The following NUP214 variants were observed in gnomAD, a reference collection of about 807,000 sequenced individuals.
The protein encoded by NUP214 is nuclear pore complex protein Nup214.
Under a neutral mutation model 196.2 loss-of-function variants are expected in NUP214, and 79 were observed. The ratio of observed to expected loss-of-function variants is 0.40; its 90% CI spans 0.34 to 0.49. The LOEUF (loss-of-function observed/expected upper bound fraction) is 0.49. Ranked by LOEUF, NUP214 falls within the 20% of genes least tolerant of loss-of-function variation. NUP214 has a pLI of 0.58. For synonymous variants in NUP214, 1,020 were observed against 990.5 expected, an observed-to-expected ratio of 1.03 and a Z score of -0.56; for missense variants, 2,468 against 2,539.0, an observed-to-expected ratio of 0.97 and a Z score of 0.60.
At chr9:131,139,252 C>CTTTTTT in intron 9 of NUP214, 29 bp from the exon 10 acceptor site, 1 of 1,235,922 alleles carries the variant, frequency 8.1e-7, no homozygotes, top group East Asian at 3.0e-5. Flanking sequence ...TCTTCTTCTT[C>CTTTTTT]TTCTTTTTTT....
chr9:131,134,260 T>A lies in NUP214; in HGVS notation c.832-638T>A, dbSNP rs981227921. Among the ~76,000 whole-genome samples the A allele has an allele frequency of 5.3e-5, 8 of 152,262 alleles. No individual in the cohort carries two copies. The East Asian group carries it at 1.5e-3, about 29-fold the overall frequency. On this transcript the variant is annotated intron_variant, in intron 7 of 35. Coordinates refer to ENST00000359428, the MANE Select transcript of NUP214 (RefSeq NM_005085.4). ...ACACCTGGCTGGTCTTACATTTTAA[T>A]GGGATAGTCAATACTAAATGTGAGA...
At chr9:131,132,345 C>G (rs907356929) in intron 5 of NUP214, among the ~76,000 whole-genome samples, 2 of 152,024 alleles carry the variant, frequency 1.3e-5, no homozygotes, top group African/African-American at 4.8e-5. Context: ...AACTCCTGAC[C>G]TCAGGTGATC....
At chr9:131,226,687 T>G (rs896419149) in intron 32 of NUP214, among the ~76,000 whole-genome samples, 4 of 152,214 alleles carry the variant, frequency 2.6e-5, no homozygotes, top group African/African-American at 9.7e-5. Flanking sequence ...GCTTGGAATT[T>G]CACTCAGTGT....
Position 131,125,905 on chromosome 9 carries a change from G to A in NUP214, c.45+156G>A. The A allele has an allele frequency of 1.1e-6, 1 of 875,628 alleles. No homozygotes were observed. Among genetic ancestry groups the A allele is most frequent in the Non-Finnish European group, 1.8e-6 (1 of 561,256 alleles). The allele number at this position is 875,628 out of a possible 1,614,324, so 54.2% of individuals were successfully genotyped here. On this transcript the variant is annotated intron_variant, in intron 1 of 35. Coordinates refer to ENST00000359428, the MANE Select transcript of NUP214 (RefSeq NM_005085.4). The surrounding 1 kb of genome is among the most constrained non-coding windows in gnomAD (Gnocchi z 4.1). ...CCAGCGCGTCTGCCGCGCCGCTGGC[G>A]TGATAGCCCCACCGAATGCAGTTTC...
intron 31 of NUP214, among the ~76,000 whole-genome samples, chr9:131,215,759 T>C (rs1834375407): frequency 6.6e-6 from 1 of 152,312 alleles, no homozygotes; most frequent in Non-Finnish European, 1.5e-5. Flanking sequence ...ATTTGGATAG[T>C]ACTCTCCAAA....
chr9:131,224,614 C>T (rs541418628), intron 32 of NUP214, among the ~76,000 whole-genome samples: 104 of 152,186 alleles, frequency 6.8e-4, no homozygotes, highest in Non-Finnish European at 1.3e-3. Context: ...ATATTTAGAG[C>T]CTAAAGTGCT....
At chr9:131,216,881 T>C (rs1204966512) in intron 31 of NUP214, among the ~76,000 whole-genome samples, 2 of 152,128 alleles carry the variant, frequency 1.3e-5, no homozygotes, top group Non-Finnish European at 2.9e-5. Context: ...AGAAATCTGT[T>C]TGTGTAGATC....
In NUP214 at chr9:131,156,479, G is replaced by A. The variant is rs370924542; in HGVS notation, c.2437-2904G>A. ...TGTTTGTGTCGTTTCCATTTGTGTC[G>A]TCTATGATTTCTTTCAGCAGTGTTT... is the stretch of plus-strand genomic sequence containing the variant. On this transcript the variant is annotated intron_variant, in intron 17 of 35. Transcript: ENST00000359428. Among the ~76,000 whole-genome samples, 41 of 151,398 alleles carry A rather than the reference G, an allele frequency of 2.7e-4. No homozygotes were observed. In the South Asian group the frequency reaches 4.0e-3, roughly 15 times the overall value.
intron 5 of NUP214, among the ~76,000 whole-genome samples, chr9:131,132,181 G>A (rs1831573304): frequency 7.4e-6 from 1 of 135,124 alleles, no homozygotes; most frequent in Non-Finnish European, 1.5e-5. Context: ...GTGCAATGAC[G>A]TGATTTCAGC....
intron 30 of NUP214, among the ~76,000 whole-genome samples, chr9:131,205,127 C>T (rs1261261773): frequency 2.0e-5 from 3 of 152,040 alleles, no homozygotes; most frequent in African/African-American, 7.2e-5. Context: ...TCTCAAAAAA[C>T]AAAAGAAATT....
At chr9:131,167,325 T>A (rs1832812383) in intron 21 of NUP214, 2 of 152,236 alleles carry the variant, frequency 1.3e-5, no homozygotes, top group African/African-American at 4.8e-5. Context: ...CTCTAGCTGT[T>A]ATTTTAGTTG....
intron 32 of NUP214, among the ~76,000 whole-genome samples, chr9:131,227,324 C>T (rs1008462504): frequency 6.6e-6 from 1 of 152,210 alleles, no homozygotes; most frequent in Non-Finnish European, 1.5e-5. Context: ...CACTGGGCAG[C>T]AGTGTTGGCA....
At chr9:131,227,018 C>T (rs1834742684) in intron 32 of NUP214, among the ~76,000 whole-genome samples, 1 of 152,266 alleles carries the variant, frequency 6.6e-6, no homozygotes, top group African/African-American at 2.4e-5. Flanking sequence ...CATAGGCCAA[C>T]ACTCACCTTA....
intron 18 of NUP214, among the ~76,000 whole-genome samples, chr9:131,159,752 G>A (rs1312639239): frequency 2.0e-5 from 3 of 152,042 alleles, no homozygotes; most frequent in Non-Finnish European, 4.4e-5. Flanking sequence ...AGCTACTATG[G>A]AGGCTGAGGC....
At chr9:131,127,763 G>A (rs757920974) in intron 2 of NUP214, 44 bp downstream of exon 2, 2 of 1,396,984 alleles carry the variant, frequency 1.4e-6, no homozygotes, top group African/African-American at 2.9e-5. Context: ...GAGGAGTATG[G>A]TGGCATGCTC....
intron 18 of NUP214, among the ~76,000 whole-genome samples, chr9:131,160,218 T>G (rs952482312): frequency 6.6e-6 from 1 of 152,074 alleles, no homozygotes; most frequent in Non-Finnish European, 1.5e-5. Context: ...ATATAAAAAT[T>G]TAATAAGTAA....
At chr9:131,153,691 T>C (rs1588135307) in intron 17 of NUP214, among the ~76,000 whole-genome samples, 1 of 152,248 alleles carries the variant, frequency 6.6e-6, no homozygotes, top group East Asian at 1.9e-4. Context: ...GTGTTTACTA[T>C]GGACAATGCA....
intron 24 of NUP214, among the ~76,000 whole-genome samples, chr9:131,178,728 A>G (rs1250222545): frequency 6.9e-6 from 1 of 144,828 alleles, no homozygotes; most frequent in East Asian, 2.0e-4. Flanking sequence ...TTAATGCCCT[A>G]GGGGTTCCAG....
chr9:131,231,977 G>GA (rs1015123023), intron 34 of NUP214, among the ~76,000 whole-genome samples: 5 of 150,476 alleles, frequency 3.3e-5, no homozygotes, highest in Admixed American at 2.6e-4. Context: ...GTACAGCTGA[G>GA]AGGCCAAGCC....
Sources: gnomAD v4.1 joint callset for allele counts (sites outside exome capture counted in the v4.1 genomes callset) on GRCh38, gnomAD v4.1.1 for gene constraint, Gnocchi (gnomAD v3.1) non-coding constraint, MANE v1.5 for transcripts, NCBI Gene and HGNC (gene_info 2026-07-23, HGNC 2026-07-21) for gene names.